SEMA3D: variants seen among roughly 807,000 people sequenced by gnomAD.
The protein encoded by SEMA3D is semaphorin-3D.
In SEMA3D, 84 loss-of-function variants were observed where a neutral mutation model predicts 100.1. That is an observed-to-expected ratio of 0.84 (90% confidence interval 0.70 to 1.01). SEMA3D has a LOEUF of 1.01. Ranked by LOEUF, SEMA3D falls within the 50% of genes least tolerant of loss-of-function variation. The pLI is 0.00. For synonymous variants in SEMA3D, 312 were observed against 320.7 expected (o/e 0.97, Z 0.29); for missense variants, 875 against 934.1 (o/e 0.94, Z 0.82).
intron 1 of SEMA3D, among the ~76,000 whole-genome samples, chr7:85,185,011 G>C (rs1791501885): frequency 1.3e-5 from 2 of 152,138 alleles, no homozygotes; most frequent in African/African-American, 4.8e-5. Flanking sequence ...TCATTGGAGT[G>C]ATGACATGTG....
intron 9 of SEMA3D, among the ~76,000 whole-genome samples, chr7:85,048,068 C>A (rs1791058871): frequency 6.6e-6 from 1 of 151,688 alleles, no homozygotes; most frequent in Non-Finnish European, 1.5e-5. Context: ...AAACCTATTC[C>A]ATTACCCAAA....
At chr7:85,079,463 AC>A (rs1233765496) in intron 5 of SEMA3D, among the ~76,000 whole-genome samples, 1 of 152,234 alleles carries the variant, frequency 6.6e-6, no homozygotes, top group Non-Finnish European at 1.5e-5. Context: ...AGAGGTGGTT[AC>A]TAGCTCACAA....
At chr7:85,034,837 T>G (rs568102474) in intron 12 of SEMA3D, among the ~76,000 whole-genome samples, 1 of 152,098 alleles carries the variant, frequency 6.6e-6, no homozygotes, top group South Asian at 2.1e-4. Flanking sequence ...AAGGAGGATG[T>G]GGGGAAATTG....
chr7:85,027,582 C>T (rs73394646), intron 12 of SEMA3D, among the ~76,000 whole-genome samples: 2,895 of 151,728 alleles, frequency 0.019, 101 homozygotes, highest in African/African-American at 0.066. Flanking sequence ...TTTTGTTAAC[C>T]AAGATTTATA....
intron 2 of SEMA3D, among the ~76,000 whole-genome samples, chr7:85,150,346 A>AATATATATATAT (rs3078412): frequency 7.4e-5 from 9 of 121,236 alleles, no homozygotes; most frequent in South Asian, 5.4e-4. Flanking sequence ...CTTTTCTAGA[A>AATATATATATAT]ATATATATAT....
chr7:85,113,702 T>C (rs377082293), intron 3 of SEMA3D, among the ~76,000 whole-genome samples: 3 of 148,640 alleles, frequency 2.0e-5, no homozygotes, highest in Non-Finnish European at 4.5e-5. Context: ...ACCCAGGAGG[T>C]GGAGTTTGCA....
chr7:85,180,816 G>A (rs779545264), intron 1 of SEMA3D, among the ~76,000 whole-genome samples: 2 of 152,054 alleles, frequency 1.3e-5, no homozygotes, highest in African/African-American at 2.4e-5. Context: ...TTAGGCTTAG[G>A]CTTCTCATGC....
chr7:85,165,000 C>CG (rs1391600856), intron 1 of SEMA3D, among the ~76,000 whole-genome samples: 3 of 87,028 alleles, frequency 3.4e-5, no homozygotes, highest in African/African-American at 1.1e-4. Context: ...CCCCCTTCCC[C>CG]CCACCCCACA....
intron 1 of SEMA3D, among the ~76,000 whole-genome samples, chr7:85,171,529 A>G (rs1182945850): frequency 6.6e-6 from 1 of 151,974 alleles, no homozygotes; most frequent in Non-Finnish European, 1.5e-5. Flanking sequence ...ATGGACCTGG[A>G]ACAACCATTA....
intron 15 of SEMA3D, among the ~76,000 whole-genome samples, chr7:85,017,563 C>T (rs1159928553): frequency 6.6e-6 from 1 of 151,652 alleles, no homozygotes; most frequent in Admixed American, 6.6e-5. Flanking sequence ...TGATGTTGAA[C>T]ATGTCATATG....
At chr7:85,037,140 T>C in intron 11 of SEMA3D, 107 bp from the exon 12 acceptor site, 1 of 1,005,082 alleles carries the variant, frequency 9.9e-7, no homozygotes, top group Non-Finnish European at 1.5e-6. Flanking sequence ...ACTTAGCACA[T>C]TAAATTTGAT....
At chr7:85,048,957 T>A (rs1365365806) in intron 9 of SEMA3D, among the ~76,000 whole-genome samples, 2 of 151,884 alleles carry the variant, frequency 1.3e-5, no homozygotes, top group African/African-American at 4.8e-5. Flanking sequence ...AATTTATGGA[T>A]ACCGTTTCTC....
chr7:85,073,486 G>C (rs1791834573), intron 5 of SEMA3D, among the ~76,000 whole-genome samples: 1 of 151,768 alleles, frequency 6.6e-6, no homozygotes. Context: ...CTGGACTCAA[G>C]AGATCCTCCT....
chr7:84,997,003 GT>G lies in SEMA3D; in HGVS notation c.*2436del, dbSNP rs939915348. ...CATATAAATATGTGTACTCTATGTT[GT>G]TTTTTATTGTGTGAAATTTTATTTT... On this transcript the variant is annotated 3_prime_UTR_variant, in exon 19 of 19. Transcript: ENST00000284136. 8 of 151,356 alleles carry G rather than the reference GT, an allele frequency of 5.3e-5. No individual in the cohort carries two copies. The highest frequency in any genetic ancestry group is 9.7e-5 in the African/African-American group (4 of 41,260). 9.4% of individuals were successfully genotyped at this position (151,356 alleles called of 1,614,324 possible).
intron 3 of SEMA3D, among the ~76,000 whole-genome samples, chr7:85,109,855 A>T (rs539435220): frequency 2.0e-5 from 3 of 152,022 alleles, no homozygotes; most frequent in Non-Finnish European, 2.9e-5. Flanking sequence ...GCAGTTGCAC[A>T]TAAAAACTTT....
the SEMA3D span, among the ~76,000 whole-genome samples, chr7:85,231,791 T>A: frequency 6.6e-6 from 1 of 152,294 alleles, no homozygotes; most frequent in Non-Finnish European, 1.5e-5. Flanking sequence ...AAGATTGTAT[T>A]CTTTGCATTT....
chr7:85,072,924 C>G (rs775538255), intron 6 of SEMA3D, 38 bp downstream of exon 6: 2 of 1,485,594 alleles, frequency 1.3e-6, no homozygotes, highest in South Asian at 2.4e-5. Context: ...TAATGTATTA[C>G]AATAAATTAT....
chr7:85,213,737 G>A, the SEMA3D span, among the ~76,000 whole-genome samples: 2 of 152,152 alleles, frequency 1.3e-5, no homozygotes, highest in Non-Finnish European at 2.9e-5. Flanking sequence ...TAGTGTAAGT[G>A]CATGAGGTCT....
intron 1 of SEMA3D, among the ~76,000 whole-genome samples, chr7:85,169,452 G>A (rs568026776): frequency 4.4e-4 from 67 of 151,840 alleles, no homozygotes; most frequent in African/African-American, 1.5e-3. Flanking sequence ...AACCTAAAGC[G>A]AAATGGGCTG....
Sources: gnomAD v4.1 joint callset for allele counts (sites outside exome capture counted in the v4.1 genomes callset) on GRCh38, gnomAD v4.1.1 for gene constraint, MANE v1.5 for transcripts, NCBI Gene and HGNC (gene_info 2026-07-23, HGNC 2026-07-21) for gene names.